RILPL1: variants seen among roughly 807,000 people sequenced by gnomAD.
RILPL1 encodes Rab interacting lysosomal protein like 1.
RILPL1 carries 33 observed loss-of-function variants against 50.3 expected under a neutral mutation model. That is an observed-to-expected ratio of 0.66 (90% confidence interval 0.50 to 0.88). The LOEUF is 0.88. Among genes scored for constraint, RILPL1 ranks in the 40% least tolerant of loss-of-function variants. The pLI is 0.00. For synonymous variants in RILPL1, 205 were observed against 228.6 expected (o/e 0.90, Z 0.93); for missense variants, 418 against 542.5 (o/e 0.77, Z 2.28).
At chr12:123,488,017 G>T (rs891636358) in intron 4 of RILPL1, among the ~76,000 whole-genome samples, 1 of 152,154 alleles carries the variant, frequency 6.6e-6, no homozygotes, top group Non-Finnish European at 1.5e-5. Flanking sequence ...AAGGAATGGA[G>T]TGTCCCCAAC....
At chr12:123,519,082 A>G (rs2139378456) in intron 2 of RILPL1, among the ~76,000 whole-genome samples, 1 of 151,866 alleles carries the variant, frequency 6.6e-6, no homozygotes, top group African/African-American at 2.4e-5. Context: ...AAAGAAAAGA[A>G]AAAAGAAATT....
At chr12:123,488,275 C>CA (rs1320073008) in intron 4 of RILPL1, among the ~76,000 whole-genome samples, 1 of 151,350 alleles carries the variant, frequency 6.6e-6, no homozygotes, top group Non-Finnish European at 1.5e-5. Context: ...CTCATGTCTA[C>CA]AAAAAAGAAA....
At chr12:123,475,535 A>G in intron 6 of RILPL1, 1 of 674,682 alleles carries the variant, frequency 1.5e-6, no homozygotes. Context: ...TCCACGTCAA[A>G]TGGAGCACAC....
chr12:123,485,550 G>T lies in RILPL1; in HGVS notation c.974+83C>A, dbSNP rs567567055. ...CACTGATGAAATGCTTGTCTTCCAGGGGGTAAGAAGGTAACTGTACAGAAA... is the reference window on the plus strand; with the variant it reads ...CACTGATGAAATGCTTGTCTTCCAGTGGGTAAGAAGGTAACTGTACAGAAA... On this transcript the variant is annotated intron_variant, in intron 5 of 6. Coordinates refer to ENST00000376874, the MANE Select transcript of RILPL1 (RefSeq NM_178314.5). The surrounding 1 kb of genome is among the most constrained non-coding windows in gnomAD (Gnocchi z 4.0). The T allele has an allele frequency of 1.6e-5, 21 of 1,289,650 alleles. No individual in the cohort carries two copies. The highest frequency in any genetic ancestry group is 7.4e-5 in the Admixed American group (3 of 40,708). 79.9% of individuals were successfully genotyped at this position (1,289,650 alleles called of 1,614,324 possible).
chr12:123,520,316 T>TGG (rs1884952420), intron 2 of RILPL1, among the ~76,000 whole-genome samples: 1 of 152,196 alleles, frequency 6.6e-6, no homozygotes, highest in Non-Finnish European at 1.5e-5. Context: ...CCCAACACTT[T>TGG]GGGAGGCCAA....
At chr12:123,475,132 C>CG (rs773786738) in intron 6 of RILPL1, 20 of 157,826 alleles carry the variant, frequency 1.3e-4, no homozygotes, top group Non-Finnish European at 2.0e-4. Context: ...CAACACCTCA[C>CG]GGTTACGCTT....
chr12:123,521,398 T>C (rs1404881805), intron 2 of RILPL1, among the ~76,000 whole-genome samples: 1 of 151,794 alleles, frequency 6.6e-6, no homozygotes, highest in Non-Finnish European at 1.5e-5. Flanking sequence ...GTTTTCATTG[T>C]TACTAATCAA....
rs1227869590 is a variant in RILPL1, at chr12:123,512,041, TGTGTGTGAGGTCTGTGTGTG to T, written c.460+11434_460+11453del. ...CTGTGTGTGTAGTGTGTGAGGTTTG[TGTGTGTGAGGTCTGTGTGTG>T]GTGTGTGAGGTCTGTGTGTGTGTGG... is the stretch of plus-strand genomic sequence containing the variant. On this transcript the variant is annotated intron_variant, in intron 2 of 6. Coordinates refer to ENST00000376874, the MANE Select transcript of RILPL1 (RefSeq NM_178314.5). Among the ~76,000 whole-genome samples the T allele has an allele frequency of 3.6e-4, 52 of 142,854 alleles. 2 individuals carry two copies. The highest frequency in any genetic ancestry group is 6.5e-4 in the Non-Finnish European group (43 of 65,768). The allele number at this position is 142,854 out of a possible 152,430, so 93.7% of individuals were successfully genotyped here. A position where few individuals can be genotyped will look rare whatever the true frequency, so the allele number is the denominator to read the frequency against.
chr12:123,474,658 C>T lies in RILPL1; in HGVS notation c.1068-1976G>A, dbSNP rs1257475723. 4 of 152,168 alleles carry T rather than the reference C, an allele frequency of 2.6e-5. No individual in the cohort carries two copies. The East Asian group carries it at 5.8e-4, about 22-fold the overall frequency. The allele number at this position is 152,168 out of a possible 1,614,324, so 9.4% of individuals were successfully genotyped here. Reference sequence around the variant, plus strand: ...CATGAGCTGCCGAGCCCGGCCGTCACCAACACCTGGGATCACAGGCGTTAG... The same window carrying T: ...CATGAGCTGCCGAGCCCGGCCGTCATCAACACCTGGGATCACAGGCGTTAG... On this transcript the variant is annotated intron_variant, in intron 6 of 6. Transcript: ENST00000376874.
intron 2 of RILPL1, among the ~76,000 whole-genome samples, chr12:123,519,052 A>C (rs1884873615): frequency 1.4e-5 from 1 of 69,370 alleles, no homozygotes; most frequent in African/African-American, 5.5e-5. Context: ...GTGAGACTCC[A>C]TCTCAAAAAA....
intron 2 of RILPL1, among the ~76,000 whole-genome samples, chr12:123,512,806 G>T (rs1477129094): frequency 1.4e-5 from 2 of 145,996 alleles, no homozygotes; most frequent in East Asian, 4.2e-4. Context: ...TGTGTGTGTG[G>T]TGTGAGATCT....
At chr12:123,494,031 C>G (rs1296540453) in intron 4 of RILPL1, among the ~76,000 whole-genome samples, 1 of 152,020 alleles carries the variant, frequency 6.6e-6, no homozygotes, top group East Asian at 1.9e-4. Flanking sequence ...GTGATCCACC[C>G]GCCTTGGCCT....
chr12:123,489,430 T>C lies in RILPL1; in HGVS notation c.802-3625A>G, dbSNP rs1156679228. On this transcript the variant is annotated intron_variant, in intron 4 of 6. Transcript: ENST00000376874. This position sits in a 1 kb window ranked among gnomAD's most constrained non-coding sequence, Gnocchi z 4.0. Reference sequence around the variant, plus strand: ...CTGTAATCTCAGCACTTTGGGAAGCTGAGGTGGGTGGATCACGAAGTCAGG... The same window carrying C: ...CTGTAATCTCAGCACTTTGGGAAGCCGAGGTGGGTGGATCACGAAGTCAGG... Among the ~76,000 whole-genome samples, 4 of 151,894 alleles carry C rather than the reference T, an allele frequency of 2.6e-5. No homozygotes were observed. The highest frequency in any genetic ancestry group is 2.9e-5 in the Non-Finnish European group (2 of 67,972).
At position 123,533,209 on chromosome 12, in the gene RILPL1, T is replaced by C; in HGVS notation, c.274A>G (p.Met92Val). ...LELDRLRLER[M>V]DRIEKERKHQ... ...TTGCGCTCCTTCTCGATGCGGTCCA[T>C]CCTCTCCAGGCGCAGGCGGTCCAGC... The change falls in exon 1 of 7, where the codon ATG (methionine) becomes GTG (valine). Residue 92 changes from methionine to valine, a missense_variant. Met to Val is a conservative substitution (Grantham distance 21). Transcript: ENST00000376874. This position sits in a 1 kb window ranked among gnomAD's most constrained non-coding sequence, Gnocchi z 6.2. 1.3e-6 allele frequency: 2 copies of C among 1,587,126 alleles called. No homozygotes were observed. The highest frequency in any genetic ancestry group is 1.7e-6 in the Non-Finnish European group (2 of 1,173,098).
At chr12:123,477,333 CTTTCTTTTTT>C (rs1036338680) in intron 6 of RILPL1, among the ~76,000 whole-genome samples, 8 of 128,624 alleles carry the variant, frequency 6.2e-5, no homozygotes, top group African/African-American at 2.4e-4. Context: ...TTCTTTCTTT[CTTTCTTTTTT>C]TTTTTTTTTT....
chr12:123,475,882 C>T, intron 6 of RILPL1: 1 of 556,202 alleles, frequency 1.8e-6, no homozygotes. Flanking sequence ...TCACCTGCCT[C>T]TAAATTCACT....
chr12:123,490,211 C>T (rs1055825538), intron 4 of RILPL1, among the ~76,000 whole-genome samples: 9 of 152,076 alleles, frequency 5.9e-5, no homozygotes, highest in African/African-American at 1.7e-4. Flanking sequence ...ATCTGACAGC[C>T]GTCCCCACAC....
chr12:123,484,784 G>C, intron 5 of RILPL1: 1 of 230,228 alleles, frequency 4.3e-6, no homozygotes, highest in African/African-American at 2.3e-5. Flanking sequence ...AGCCTCCCAA[G>C]TGGCTGGGAC....
At chr12:123,481,184 C>G (rs1280013233) in intron 6 of RILPL1, among the ~76,000 whole-genome samples, 1 of 151,914 alleles carries the variant, frequency 6.6e-6, no homozygotes, top group Admixed American at 6.6e-5. Context: ...TGGTGAAACT[C>G]CGTCTCTACT....
Sources: gnomAD v4.1 joint callset for allele counts (sites outside exome capture counted in the v4.1 genomes callset) on GRCh38, gnomAD v4.1.1 for gene constraint, Gnocchi (gnomAD v3.1) non-coding constraint, MANE v1.5 for transcripts, NCBI Gene and HGNC (gene_info 2026-07-23, HGNC 2026-07-21) for gene names.